SEL1L2: variants seen among roughly 807,000 people sequenced by gnomAD.
SEL1L2 encodes SEL1L2 adaptor subunit of SYVN1 ubiquitin ligase.
SEL1L2 carries 89 observed loss-of-function variants against 98.8 expected under a neutral mutation model. That is an observed-to-expected ratio of 0.90 (90% CI 0.76 to 1.07). The LOEUF (loss-of-function observed/expected upper bound fraction) is 1.07. Ranked by LOEUF, SEL1L2 falls within the 50% of genes least tolerant of loss-of-function variation. SEL1L2 has a pLI of 0.00. For synonymous variants in SEL1L2, 262 were observed against 278.5 expected (o/e 0.94, Z 0.59); for missense variants, 788 against 812.0 (o/e 0.97, Z 0.36).
At chr20:13,953,361 T>A (rs2050363722) in intron 2 of SEL1L2, among the ~76,000 whole-genome samples, 1 of 152,170 alleles carries the variant, frequency 6.6e-6, no homozygotes, top group South Asian at 2.1e-4. Flanking sequence ...TGGCCCTTTC[T>A]GCCGGGTACC....
chr20:13,951,737 G>A (rs1418220983), intron 2 of SEL1L2, among the ~76,000 whole-genome samples: 1 of 147,512 alleles, frequency 6.8e-6, no homozygotes, highest in Non-Finnish European at 1.5e-5. Flanking sequence ...GAGGACTGGA[G>A]AGAGAAATTA....
intron 1 of SEL1L2, among the ~76,000 whole-genome samples, chr20:13,961,283 T>A (rs954848813): frequency 6.6e-6 from 1 of 152,176 alleles, no homozygotes; most frequent in Non-Finnish European, 1.5e-5. Context: ...TCCATTTTTT[T>A]AAAAAACAAA....
At chr20:13,870,640 A>C (rs2046142485) in intron 12 of SEL1L2, among the ~76,000 whole-genome samples, 1 of 152,058 alleles carries the variant, frequency 6.6e-6, no homozygotes, top group Non-Finnish European at 1.5e-5. Context: ...AAATAGATTG[A>C]GGCCGGGCAT....
intron 1 of SEL1L2, among the ~76,000 whole-genome samples, chr20:13,966,765 A>C (rs1474225649): frequency 6.6e-6 from 1 of 152,164 alleles, no homozygotes; most frequent in Non-Finnish European, 1.5e-5. Flanking sequence ...CTTTTGGAGT[A>C]AGTGTGAAGA....
intron 3 of SEL1L2, among the ~76,000 whole-genome samples, chr20:13,923,776 C>A (rs1194195903): frequency 2.0e-5 from 3 of 151,732 alleles, no homozygotes; most frequent in Non-Finnish European, 2.9e-5. Flanking sequence ...AACAAATAAA[C>A]AAAAAAAGAT....
chr20:13,886,431 A>G lies in SEL1L2; in HGVS notation c.757T>C (p.Phe253Leu). The G allele has an allele frequency of 6.2e-7, 1 of 1,613,628 alleles. No homozygotes were observed. The highest frequency in any genetic ancestry group is 8.5e-7 in the Non-Finnish European group (1 of 1,179,906). Residue 253 changes from phenylalanine (F) to leucine (L), a missense_variant, in exon 9 of 20, where the codon TTT (phenylalanine) becomes CTT (leucine). Transcript: ENST00000284951. ...ACTGGAACACCTTCACTTTTTTCAA[A>G]TGTGTCAGCAACTGTGAATAAAAAC... is the stretch of plus-strand genomic sequence containing the variant. ...KKVADYIADT[F>L]EKSEGVPVEK...
chr20:13,861,353 T>C (rs1990104808), intron 17 of SEL1L2, among the ~76,000 whole-genome samples: 1 of 151,930 alleles, frequency 6.6e-6, no homozygotes, highest in East Asian at 1.9e-4. Flanking sequence ...ACCATATTGC[T>C]CTGGCTTGTC....
chr20:13,894,405 C>T (rs1421455632), intron 5 of SEL1L2, among the ~76,000 whole-genome samples: 1 of 152,022 alleles, frequency 6.6e-6, no homozygotes, highest in African/African-American at 2.4e-5. Context: ...AATAAAAATA[C>T]AAAAATTAGC....
At chr20:13,906,091 G>A (rs1667094048) in intron 5 of SEL1L2, among the ~76,000 whole-genome samples, 1 of 151,874 alleles carries the variant, frequency 6.6e-6, no homozygotes, top group African/African-American at 2.4e-5. Flanking sequence ...GGCCAGGCTG[G>A]TCTCGAACTC....
intron 3 of SEL1L2, among the ~76,000 whole-genome samples, chr20:13,929,877 G>A (rs984565039): frequency 2.0e-5 from 3 of 151,898 alleles, no homozygotes; most frequent in African/African-American, 4.8e-5. Flanking sequence ...TGCAGCCTCC[G>A]CCTCCTGGCC....
chr20:13,926,214 C>T (rs1025387673), intron 3 of SEL1L2, among the ~76,000 whole-genome samples: 1 of 152,162 alleles, frequency 6.6e-6, no homozygotes, highest in Non-Finnish European at 1.5e-5. Flanking sequence ...ACTCAGGAGG[C>T]TGAGGCAGGA....
At chr20:13,891,712 A>C (rs2047213201) in intron 5 of SEL1L2, among the ~76,000 whole-genome samples, 1 of 151,780 alleles carries the variant, frequency 6.6e-6, no homozygotes, top group Non-Finnish European at 1.5e-5. Flanking sequence ...TCCACCAAAA[A>C]CACTATATTT....
At chr20:13,869,461 A>C (rs768485737) in intron 14 of SEL1L2, 42 bp downstream of exon 14, 1 of 1,385,416 alleles carries the variant, frequency 7.2e-7, no homozygotes, top group South Asian at 1.2e-5. Flanking sequence ...TTAATAATGC[A>C]TATGTCATTC....
intron 6 of SEL1L2, among the ~76,000 whole-genome samples, 180 bp downstream of exon 6, chr20:13,888,261 ATCTATCTTCAATGAAGAG>A (rs1164261002): frequency 6.6e-6 from 1 of 152,220 alleles, no homozygotes; most frequent in African/African-American, 2.4e-5. Flanking sequence ...AGCAGATATT[ATCTATCTTCAATGAAGAG>A]GCTGACTCAT....
intron 1 of SEL1L2, among the ~76,000 whole-genome samples, chr20:13,967,919 C>T (rs986317029): frequency 6.6e-6 from 1 of 152,160 alleles, no homozygotes; most frequent in Non-Finnish European, 1.5e-5. Context: ...ATCATTATTT[C>T]TACATAATTA....
At chr20:13,994,295 CAAAAAAAAAA>C (rs10557935), upstream of SEL1L2, among the ~76,000 whole-genome samples, 1 of 70,956 alleles carries the variant, frequency 1.4e-5, no homozygotes, top group African/African-American at 5.4e-5. Flanking sequence ...AACTCTGCCT[CAAAAAAAAAA>C]AAAAAAAAAA....
At chr20:13,916,820 G>A (rs1216481724) in intron 4 of SEL1L2, among the ~76,000 whole-genome samples, 2 of 152,050 alleles carry the variant, frequency 1.3e-5, no homozygotes, top group Non-Finnish European at 2.9e-5. Context: ...AAAGGTGGCG[G>A]GGGTGGTCAG....
At chr20:13,907,126 G>C (rs2047967936) in intron 5 of SEL1L2, among the ~76,000 whole-genome samples, 1 of 152,084 alleles carries the variant, frequency 6.6e-6, no homozygotes, top group Non-Finnish European at 1.5e-5. Context: ...TTACATGATA[G>C]AATGAATTTT....
chr20:13,916,330 G>T (rs978360078), intron 4 of SEL1L2, among the ~76,000 whole-genome samples: 1 of 152,070 alleles, frequency 6.6e-6, no homozygotes, highest in Non-Finnish European at 1.5e-5. Context: ...TGGTCAGGAG[G>T]GTGTGCAATC....
Sources: gnomAD v4.1 joint callset for allele counts (sites outside exome capture counted in the v4.1 genomes callset) on GRCh38, gnomAD v4.1.1 for gene constraint, MANE v1.5 for transcripts, NCBI Gene and HGNC (gene_info 2026-07-23, HGNC 2026-07-21) for gene names.